CLSTN1: variants seen among roughly 807,000 people sequenced by gnomAD.
The protein encoded by CLSTN1 is calsyntenin 1.
CLSTN1 carries 28 observed loss-of-function variants against 108.3 expected under a neutral mutation model. The ratio of observed to expected loss-of-function variants is 0.26; its 90% CI spans 0.19 to 0.35. The LOEUF is 0.35. CLSTN1 is among the 10% of genes least tolerant of loss of function. The probability of loss-of-function intolerance (pLI) is 1.00; values close to 1 mark genes in which losing one functional copy is unlikely to be tolerated. For synonymous variants in CLSTN1, 524 were observed against 534.9 expected (o/e 0.98, Z 0.28); for missense variants, 1,157 against 1,302.6 (o/e 0.89, Z 1.72).
In CLSTN1 at chr1:9,731,238, A is replaced by C; in HGVS notation, c.2716T>G (p.Ser906Ala). The C allele has an allele frequency of 6.2e-7, 1 of 1,614,214 alleles. No individual in the cohort carries two copies. Among genetic ancestry groups the C allele is most frequent in the East Asian group, 2.2e-5 (1 of 44,876 alleles). The change falls in exon 18 of 19, where the codon TCT becomes GCT. Residue 906 changes from serine to alanine, a missense_variant. Physicochemically the swap from Ser to Ala is moderately conservative, Grantham distance 99. Coordinates refer to ENST00000377298, the MANE Select transcript of CLSTN1 (RefSeq NM_001009566.3). ...GKENEMDWDD[S>A]ALTITVNPME... is the part of the protein sequence containing the mutation. Reference sequence around the variant, plus strand: ...GGGTTGACGGTGATGGTCAGGGCAGAGTCGTCCCAGTCCATCTCGTTCTCC... The same window carrying C: ...GGGTTGACGGTGATGGTCAGGGCAGCGTCGTCCCAGTCCATCTCGTTCTCC...
intron 1 of CLSTN1, among the ~76,000 whole-genome samples, chr1:9,800,808 A>G (rs1005120053): frequency 1.3e-4 from 19 of 151,850 alleles, no homozygotes; most frequent in African/African-American, 4.1e-4. Flanking sequence ...GTGTGGTGGC[A>G]TGCTCCTGTA....
intron 1 of CLSTN1, among the ~76,000 whole-genome samples, chr1:9,798,307 C>T (rs2101257483): frequency 6.6e-6 from 1 of 152,296 alleles, no homozygotes; most frequent in Admixed American, 6.5e-5. Flanking sequence ...GCACTATTCA[C>T]AACAGCCAAC....
In CLSTN1 at chr1:9,758,594, G is replaced by C. The variant is rs1031546677; in HGVS notation, c.215-2084C>G. ...CTCCCAAAGTACTGGGATTACAGGCGTGAGTCACCGCACCTGGCCATGACT... is the reference window on the plus strand; with the variant it reads ...CTCCCAAAGTACTGGGATTACAGGCCTGAGTCACCGCACCTGGCCATGACT... On this transcript the variant is annotated intron_variant, in intron 2 of 18. Transcript: ENST00000377298. 2.6e-5 allele frequency among the ~76,000 whole-genome samples: 4 copies of C among 152,190 alleles called. No individual in the cohort carries two copies. The South Asian group carries it at 6.2e-4, about 24-fold the overall frequency.
chr1:9,735,712 G>A (rs1283463573), intron 12 of CLSTN1, 97 bp from the exon 13 acceptor site: 10 of 1,534,356 alleles, frequency 6.5e-6, no homozygotes, highest in East Asian at 2.3e-5. Context: ...GCCTGGGTTC[G>A]ATTTGAATTG....
intron 2 of CLSTN1, among the ~76,000 whole-genome samples, chr1:9,759,679 T>G (rs1250291384): frequency 6.6e-6 from 1 of 152,232 alleles, no homozygotes; most frequent in Non-Finnish European, 1.5e-5. Context: ...GCAGAGGTTG[T>G]TGCAGAGTTA....
At chr1:9,793,786 T>C (rs189707005) in intron 1 of CLSTN1, among the ~76,000 whole-genome samples, 2 of 151,506 alleles carry the variant, frequency 1.3e-5, no homozygotes, top group African/African-American at 2.4e-5. Context: ...TGAAGCAAAA[T>C]CATCTCAAAA....
At chr1:9,759,875 T>C (rs1428067176) in intron 2 of CLSTN1, among the ~76,000 whole-genome samples, 1 of 152,252 alleles carries the variant, frequency 6.6e-6, no homozygotes, top group Non-Finnish European at 1.5e-5. Context: ...TGATGCATAT[T>C]AATACTGCAT....
chr1:9,794,187 A>C (rs1653889591), intron 1 of CLSTN1, among the ~76,000 whole-genome samples: 1 of 151,566 alleles, frequency 6.6e-6, no homozygotes, highest in Non-Finnish European at 1.5e-5. Flanking sequence ...TTCAGAACAG[A>C]GCCCTGAGCT....
At position 9,818,046 on chromosome 1, in the gene CLSTN1, G is replaced by A. The variant is rs1655046456; in HGVS notation, c.91+5597C>T. On this transcript the variant is annotated intron_variant, in intron 1 of 18. Coordinates refer to ENST00000377298, the MANE Select transcript of CLSTN1 (RefSeq NM_001009566.3). ...TTTAGAGACAGAGTCTTGCTCTGTC[G>A]CTCAGGCTGGAATGCAAGTGGTGTG... is the stretch of plus-strand genomic sequence containing the variant. Among the ~76,000 whole-genome samples, 7 of 134,460 alleles carry A rather than the reference G, an allele frequency of 5.2e-5. No homozygotes were observed. In the South Asian group the frequency reaches 1.6e-3, roughly 31 times the overall value. The allele number at this position is 134,460 out of a possible 152,430, so 88.2% of individuals were successfully genotyped here. A position where few individuals can be genotyped will look rare whatever the true frequency, so the allele number is the denominator to read the frequency against.
chr1:9,739,039 C>T (rs1471476195), intron 10 of CLSTN1, among the ~76,000 whole-genome samples: 1 of 152,116 alleles, frequency 6.6e-6, no homozygotes, highest in African/African-American at 2.4e-5. Context: ...GATGATGATA[C>T]CTTGAAATGA....
intron 16 of CLSTN1, among the ~76,000 whole-genome samples, chr1:9,733,152 C>G (rs1650497654): frequency 6.6e-6 from 1 of 152,222 alleles, no homozygotes; most frequent in Non-Finnish European, 1.5e-5. Context: ...GGCTCCAACT[C>G]AGGCTGAGGC....
At position 9,731,192 on chromosome 1, in the gene CLSTN1, C is replaced by T; in HGVS notation, c.2748+14G>A. 6.2e-7 allele frequency: 1 copy of T among 1,614,060 alleles called. No homozygotes were observed. Among genetic ancestry groups the T allele is most frequent in the Non-Finnish European group, 8.5e-7 (1 of 1,179,988 alleles). ...GCTGCCTCTCAGTCCTGGAGGTCGC[C>T]CGCCCACTCCTACCTCCATGGGGTT... On this transcript the variant is annotated intron_variant, in intron 18 of 18. Transcript: ENST00000377298.
In CLSTN1 at chr1:9,731,751, C is replaced by G. The variant is rs1186800067; in HGVS notation, c.2563+10G>C. The G allele has an allele frequency of 6.2e-7, 1 of 1,614,068 alleles. No homozygotes were observed. Among genetic ancestry groups the G allele is most frequent in the Admixed American group, 1.7e-5 (1 of 60,014 alleles). On this transcript the variant is annotated intron_variant, in intron 17 of 18. Transcript: ENST00000377298. Reference sequence around the variant, plus strand: ...AGCATCTCCGCTTGGTCTCCCTCCCCATGTCCTACCTGCGAACGGGTGGGG... The same window carrying G: ...AGCATCTCCGCTTGGTCTCCCTCCCGATGTCCTACCTGCGAACGGGTGGGG...
At chr1:9,820,885 GAAATTATTTC>G (rs1455222426) in intron 1 of CLSTN1, among the ~76,000 whole-genome samples, 1 of 152,180 alleles carries the variant, frequency 6.6e-6, no homozygotes, top group Non-Finnish European at 1.5e-5. Flanking sequence ...TTCAGGAAGA[GAAATTATTTC>G]AAATAGGATG....
At chr1:9,786,003 CTG>C (rs1553180934) in intron 1 of CLSTN1, among the ~76,000 whole-genome samples, 4 of 151,832 alleles carry the variant, frequency 2.6e-5, no homozygotes, top group Non-Finnish European at 5.9e-5. Context: ...TGATAAAACC[CTG>C]TCTCTACAAA....
At chr1:9,792,098 T>C (rs925205565) in intron 1 of CLSTN1, among the ~76,000 whole-genome samples, 3 of 150,918 alleles carry the variant, frequency 2.0e-5, no homozygotes, top group African/African-American at 4.8e-5. Context: ...AGGAGAATCA[T>C]TTGAACCTGC....
chr1:9,792,742 A>G (rs1449235213), intron 1 of CLSTN1, among the ~76,000 whole-genome samples: 1 of 151,230 alleles, frequency 6.6e-6, no homozygotes, highest in Non-Finnish European at 1.5e-5. Flanking sequence ...GCAGGTAAAA[A>G]TCCCCAAGGA....
At chr1:9,799,268 G>A (rs1654147097) in intron 1 of CLSTN1, among the ~76,000 whole-genome samples, 1 of 152,172 alleles carries the variant, frequency 6.6e-6, no homozygotes, top group South Asian at 2.1e-4. Context: ...AAACCTCCAT[G>A]GGAACCGGTG....
intron 2 of CLSTN1, among the ~76,000 whole-genome samples, chr1:9,760,179 A>G (rs1463621289): frequency 6.6e-6 from 1 of 152,204 alleles, no homozygotes; most frequent in Non-Finnish European, 1.5e-5. Flanking sequence ...GACATTGGCT[A>G]CTTTAATGAG....
Sources: gnomAD v4.1 joint callset for allele counts (sites outside exome capture counted in the v4.1 genomes callset) on GRCh38, gnomAD v4.1.1 for gene constraint, MANE v1.5 for transcripts, NCBI Gene and HGNC (gene_info 2026-07-23, HGNC 2026-07-21) for gene names.